PLEKHH1: variants seen among roughly 807,000 people sequenced by gnomAD.
PLEKHH1 encodes pleckstrin homology domain-containing family H member 1.
In PLEKHH1, 104 loss-of-function variants were observed where a neutral mutation model predicts 160.0. That is an observed-to-expected ratio of 0.65 (90% CI 0.55 to 0.76). The LOEUF (loss-of-function observed/expected upper bound fraction) is 0.76. Ranked by LOEUF, PLEKHH1 falls within the 30% of genes least tolerant of loss-of-function variation. PLEKHH1 has a pLI of 0.00. For missense variants in PLEKHH1, 1,427 were observed against 1,724.1 expected, an observed-to-expected ratio of 0.83 and a Z score of 3.05; for synonymous variants, 619 against 678.4, an observed-to-expected ratio of 0.91 and a Z score of 1.36.
intron 1 of PLEKHH1, among the ~76,000 whole-genome samples, chr14:67,536,909 A>G (rs1318754335): frequency 6.6e-6 from 1 of 151,608 alleles, no homozygotes; most frequent in Non-Finnish European, 1.5e-5. Flanking sequence ...GTGTGGTGGC[A>G]TCCGCCTGTA....
In PLEKHH1 at chr14:67,583,127, A is replaced by T. The variant is rs188975461; in HGVS notation, c.3427-614A>T. ...CAAAAATTAAAAATTAAAAATTTTT[A>T]AAAAAGAATAAGAATCTGGATTTAC... is the stretch of plus-strand genomic sequence containing the variant. On this transcript the variant is annotated intron_variant, in intron 24 of 28. Coordinates refer to ENST00000329153, the MANE Select transcript of PLEKHH1 (RefSeq NM_020715.3). 1.9e-4 allele frequency among the ~76,000 whole-genome samples: 29 copies of T among 152,344 alleles called. No homozygotes were observed. The East Asian group carries it at 4.2e-3, about 22-fold the overall frequency.
intron 2 of PLEKHH1, among the ~76,000 whole-genome samples, chr14:67,549,428 G>A (rs1366250206): frequency 6.6e-6 from 1 of 152,004 alleles, no homozygotes; most frequent in African/African-American, 2.4e-5. Flanking sequence ...ATGCCACCAC[G>A]CCCAGCTAAT....
chr14:67,543,101 T>C (rs1362113128), intron 2 of PLEKHH1, among the ~76,000 whole-genome samples: 1 of 152,224 alleles, frequency 6.6e-6, no homozygotes, highest in East Asian at 1.9e-4. Context: ...ATTAAGTGAA[T>C]CAATCATTAT....
intron 7 of PLEKHH1, 171 bp from the exon 8 acceptor site, chr14:67,568,967 C>A: frequency 1.7e-6 from 1 of 586,470 alleles, no homozygotes; most frequent in Non-Finnish European, 3.0e-6. Context: ...CCATTTAGAG[C>A]AGAGGAAAAT....
intron 23 of PLEKHH1, 78 bp downstream of exon 23, chr14:67,581,116 C>T: frequency 1.1e-6 from 1 of 873,034 alleles, no homozygotes. Flanking sequence ...CTCGACTAGA[C>T]AGCCTATCCA....
At chr14:67,565,505 G>A (rs1247102667) in intron 7 of PLEKHH1, among the ~76,000 whole-genome samples, 1 of 152,106 alleles carries the variant, frequency 6.6e-6, no homozygotes, top group Non-Finnish European at 1.5e-5. Flanking sequence ...TCAGCCATAA[G>A]AGCCACCTTA....
intron 4 of PLEKHH1, among the ~76,000 whole-genome samples, chr14:67,558,290 C>T (rs2034676840): frequency 6.6e-6 from 1 of 152,202 alleles, no homozygotes; most frequent in South Asian, 2.1e-4. Context: ...ATTTCCTACA[C>T]ATGCCTTCTC....
At chr14:67,577,489 G>A (rs1285868884) in intron 18 of PLEKHH1, 75 bp downstream of exon 18, 4 of 944,432 alleles carry the variant, frequency 4.2e-6, no homozygotes, top group Non-Finnish European at 6.6e-6. Flanking sequence ...GTGCAGTTGG[G>A]GACAACCCAC....
Position 67,574,276 on chromosome 14 carries a change from C to T in PLEKHH1, c.1961C>T (p.Ala654Val), listed in dbSNP as rs1355794857. 5 of 1,608,418 alleles carry T rather than the reference C, an allele frequency of 3.1e-6. No homozygotes were observed. In the South Asian group the frequency reaches 5.6e-5, roughly 18 times the overall value. The change falls in exon 14 of 29, where the codon GCC (alanine) becomes GTC (valine). Residue 654 changes from alanine (A) to valine (V), a missense_variant. Ala to Val is a moderately conservative substitution (Grantham distance 64). Transcript: ENST00000329153. This position sits in a 1 kb window ranked among gnomAD's most constrained non-coding sequence, Gnocchi z 4.2. ...ISEKKTYYLT[A>V]DSPSLLEEWI... The stretch of plus-strand genomic sequence containing the variant: ...GAGAAGAAAACCTACTACCTGACGG[C>T]CGATTCACCCAGCCTGCTGGAGGAG...
chr14:67,575,444 TCTA>T lies in PLEKHH1; in HGVS notation c.2148_2150del (p.Tyr717del), dbSNP rs747491587. 1.2e-6 allele frequency: 2 copies of T among 1,608,182 alleles called. No homozygotes were observed. The highest frequency in any genetic ancestry group is 3.4e-5 in the Admixed American group (2 of 59,448). On this transcript the variant is annotated inframe_deletion, in exon 15 of 29. Transcript: ENST00000329153. ...TGGTGCGCTCTTGTTGGGAAAATCT[TCTA>T]CTACTATCGGAGCCATGAGGACAAG...
intron 7 of PLEKHH1, 44 bp from the exon 8 acceptor site, chr14:67,569,094 G>A: frequency 2.2e-6 from 3 of 1,333,852 alleles, no homozygotes; most frequent in Non-Finnish European, 3.2e-6. Context: ...GGGTGGGATG[G>A]GCATCATGCC....
intron 2 of PLEKHH1, among the ~76,000 whole-genome samples, chr14:67,548,896 A>T (rs1466370489): frequency 6.6e-6 from 1 of 152,184 alleles, no homozygotes; most frequent in Non-Finnish European, 1.5e-5. Context: ...AAAAATTTGT[A>T]GTTCAGAAAT....
At chr14:67,580,447 G>C (rs1236813530) in intron 22 of PLEKHH1, 2 of 170,928 alleles carry the variant, frequency 1.2e-5, no homozygotes, top group African/African-American at 2.4e-5. Flanking sequence ...CTAGCACTTT[G>C]ATGCATATTT....
At position 67,562,914 on chromosome 14, in the gene PLEKHH1, C is replaced by A; in HGVS notation, c.1263+20C>A. The A allele has an allele frequency of 1.2e-6, 2 of 1,604,912 alleles. No individual in the cohort carries two copies. The highest frequency in any genetic ancestry group is 1.7e-6 in the Non-Finnish European group (2 of 1,176,242). ...TCCTGGGTAAGAGGCAACCTCCGGG[C>A]TGGGCAGAGGAGCAGAGCTAATGGC... On this transcript the variant is annotated intron_variant, in intron 7 of 28. Transcript: ENST00000329153.
At chr14:67,579,452 G>A (rs2035787662) in intron 21 of PLEKHH1, 141 bp downstream of exon 21, 9 of 753,442 alleles carry the variant, frequency 1.2e-5, no homozygotes, top group Non-Finnish European at 1.5e-5. Context: ...CATGAACAGG[G>A]AAGCTGAGAT....
rs747400166 is a variant in PLEKHH1 at position 67,579,235 on chromosome 14, C to A, written c.2951C>A (p.Ser984Tyr). 1 of 1,610,384 alleles carries A rather than the reference C, an allele frequency of 6.2e-7. No individual in the cohort carries two copies. The change falls in exon 21 of 29, where the codon TCC becomes TAC. Residue 984 changes from serine to tyrosine, a missense_variant. By Grantham distance (144) the Ser-to-Tyr change is moderately radical. Transcript: ENST00000329153. The part of the protein sequence containing the change: ...EARPSRMEVV[S>Y]ILLRNPFHHS... ...AGGCCATCGCGCATGGAAGTGGTGT[C>A]CATCCTGCTGCGTAACCCCTTCCAC...
In PLEKHH1 at chr14:67,587,525, T is replaced by C. The variant is rs1262465054; in HGVS notation, c.*290T>C. 2.3e-6 allele frequency: 1 copy of C among 439,014 alleles called. No homozygotes were observed. Among genetic ancestry groups the C allele is most frequent in the South Asian group, 2.2e-5 (1 of 46,438 alleles). The allele number at this position is 439,014 out of a possible 1,614,324, so 27.2% of individuals were successfully genotyped here. The stretch of plus-strand genomic sequence containing the variant: ...AGACATAGACAGGGATGATCCACTG[T>C]TACTGAGGGCATCAGTGCTATAAGT... On this transcript the variant is annotated 3_prime_UTR_variant, in exon 29 of 29. Transcript: ENST00000329153.
In PLEKHH1 at chr14:67,588,068, A is replaced by ACCC. The variant is rs1161072678; in HGVS notation, c.*834_*835insCCC. ...CCATTATTGGTATGTAGGCATTGGTACAGCCCCTTCTGGGGCAGTCTTTGC... is the reference window on the plus strand; with the variant it reads ...CCATTATTGGTATGTAGGCATTGGTACCCCAGCCCCTTCTGGGGCAGTCTTTGC... On this transcript the variant is annotated 3_prime_UTR_variant, in exon 29 of 29. Coordinates refer to ENST00000329153, the MANE Select transcript of PLEKHH1 (RefSeq NM_020715.3). 3.9e-5 allele frequency: 6 copies of ACCC among 152,640 alleles called. No homozygotes were observed. The highest frequency in any genetic ancestry group is 7.3e-5 in the Non-Finnish European group (5 of 68,040). 9.5% of individuals were successfully genotyped at this position (152,640 alleles called of 1,614,324 possible).
Position 67,578,227 on chromosome 14 carries a change from A to G in PLEKHH1, c.2751+28A>G. ...AGGCATGCCAGGGGTGGAGCAGCTGACAGAAGCCATTGGCAAGGGCTGCCA... is the reference window on the plus strand; with the variant it reads ...AGGCATGCCAGGGGTGGAGCAGCTGGCAGAAGCCATTGGCAAGGGCTGCCA... On this transcript the variant is annotated intron_variant, in intron 19 of 28. Coordinates refer to ENST00000329153, the MANE Select transcript of PLEKHH1 (RefSeq NM_020715.3). The surrounding 1 kb of genome is among the most constrained non-coding windows in gnomAD (Gnocchi z 5.0). 6.2e-7 allele frequency: 1 copy of G among 1,604,078 alleles called. No homozygotes were observed. The highest frequency in any genetic ancestry group is 8.5e-7 in the Non-Finnish European group (1 of 1,172,682).
Sources: allele counts gnomAD v4.1 joint callset (sites outside exome capture counted in the v4.1 genomes callset), GRCh38; gene constraint gnomAD v4.1.1; non-coding constraint Gnocchi (gnomAD v3.1); transcripts MANE v1.5; gene names NCBI Gene and HGNC (gene_info 2026-07-23, HGNC 2026-07-21).